Variants in TTC39B observed in about 807,000 individuals in gnomAD.
The protein encoded by TTC39B is tetratricopeptide repeat domain 39B.
TTC39B carries 92 observed loss-of-function variants against 96.6 expected under a neutral mutation model. That is an observed-to-expected ratio of 0.95 (90% confidence interval 0.80 to 1.13). The LOEUF (loss-of-function observed/expected upper bound fraction) is 1.13. TTC39B is among the 50% of genes most tolerant of loss of function. The pLI, the probability that TTC39B is intolerant of heterozygous loss-of-function variation, is 0.00. For missense variants in TTC39B, 955 were observed against 809.3 expected (o/e 1.18, Z -2.18); for synonymous variants, 367 against 299.4 (o/e 1.23, Z -2.33).
chr9:15,292,928 T>C (rs1824240857), intron 1 of TTC39B, among the ~76,000 whole-genome samples: 1 of 152,204 alleles, frequency 6.6e-6, no homozygotes, highest in Non-Finnish European at 1.5e-5. Flanking sequence ...AAAACATAAA[T>C]GTGGTGCAGC....
intron 19 of TTC39B, among the ~76,000 whole-genome samples, chr9:15,174,054 G>A (rs1238292435): frequency 6.6e-6 from 1 of 152,084 alleles, no homozygotes; most frequent in East Asian, 1.9e-4. Flanking sequence ...CTTTAATTAT[G>A]CAAATCTCAG....
At chr9:15,193,380 T>G (rs1253541105) in intron 8 of TTC39B, among the ~76,000 whole-genome samples, 1 of 152,242 alleles carries the variant, frequency 6.6e-6, no homozygotes, top group Non-Finnish European at 1.5e-5. Context: ...TACCTGGGAA[T>G]TGCTTATTAA....
At chr9:15,263,678 A>C (rs1036757661) in intron 2 of TTC39B, among the ~76,000 whole-genome samples, 2 of 152,228 alleles carry the variant, frequency 1.3e-5, no homozygotes, top group Non-Finnish European at 2.9e-5. Context: ...TATTAAAATC[A>C]GATCAAAATC....
intron 2 of TTC39B, among the ~76,000 whole-genome samples, chr9:15,261,686 C>G (rs1294203755): frequency 6.6e-6 from 1 of 152,148 alleles, no homozygotes. Flanking sequence ...ACTGCCTCTA[C>G]CAACTGAAAT....
intron 18 of TTC39B, among the ~76,000 whole-genome samples, chr9:15,175,618 T>TA (rs1214738168): frequency 6.6e-6 from 1 of 152,032 alleles, no homozygotes; most frequent in Non-Finnish European, 1.5e-5. Flanking sequence ...ATAAAACATG[T>TA]AAAAGCAATG....
intron 1 of TTC39B, among the ~76,000 whole-genome samples, chr9:15,291,360 G>A (rs10961960): frequency 0.23 from 35,147 of 152,134 alleles, 4,860 homozygotes; most frequent in Non-Finnish European, 0.3. Flanking sequence ...AAGTTTCCCT[G>A]TACAAGCTCT....
At chr9:15,286,471 A>C (rs1382570172) in intron 1 of TTC39B, among the ~76,000 whole-genome samples, 1 of 152,224 alleles carries the variant, frequency 6.6e-6, no homozygotes, top group African/African-American at 2.4e-5. Flanking sequence ...TTATATCCAG[A>C]GGCACAGATG....
intron 1 of TTC39B, among the ~76,000 whole-genome samples, chr9:15,283,447 C>T (rs1823841869): frequency 6.6e-6 from 1 of 152,188 alleles, no homozygotes; most frequent in Non-Finnish European, 1.5e-5. Flanking sequence ...AAAACAGGTG[C>T]AATTATCATT....
At chr9:15,199,963 A>C in intron 7 of TTC39B, 38 bp from the exon 8 acceptor site, 1 of 1,234,310 alleles carries the variant, frequency 8.1e-7, no homozygotes, top group African/African-American at 1.5e-5. Flanking sequence ...ATTATTTAGC[A>C]AAAAATTTTA....
chr9:15,186,691 A>G, intron 15 of TTC39B: 1 of 339,162 alleles, frequency 2.9e-6, no homozygotes. Flanking sequence ...TACAGTTAAT[A>G]TACATGGTTT....
At position 15,175,948 on chromosome 9, in the gene TTC39B, A is replaced by T. The variant is rs140920430; in HGVS notation, c.1842-813T>A. ...AAACCCACTCACTGGCAAAGGAGGAAGACAAAGACAGTTGTCTCCTTGGCC... is the reference window on the plus strand; with the variant it reads ...AAACCCACTCACTGGCAAAGGAGGATGACAAAGACAGTTGTCTCCTTGGCC... On this transcript the variant is annotated intron_variant, in intron 18 of 19. Coordinates refer to ENST00000512701, the Ensembl canonical transcript of TTC39B. Among the ~76,000 whole-genome samples, 544 of 152,356 alleles carry T rather than the reference A, an allele frequency of 3.6e-3. 6 individuals are homozygous for T. The highest frequency in any genetic ancestry group is 0.012 in the African/African-American group (516 of 41,586).
exon 20 of TTC39B, chr9:15,166,330 AT>A (rs2118277294): frequency 6.6e-6 from 1 of 152,344 alleles, no homozygotes; most frequent in Non-Finnish European, 1.5e-5. Context: ...CTAAACACAT[AT>A]CATGGGTACA....
At chr9:15,190,569 T>C in exon 11 of TTC39B, 1 of 1,613,704 alleles carries the variant, frequency 6.2e-7, no homozygotes, top group Non-Finnish European at 8.5e-7. Flanking sequence ...ATTAGGGAGA[T>C]GTAAGTATGA....
At chr9:15,269,513 TACTGGA>T (rs1175972634) in intron 1 of TTC39B, among the ~76,000 whole-genome samples, 1 of 152,270 alleles carries the variant, frequency 6.6e-6, no homozygotes, top group South Asian at 2.1e-4. Context: ...GTTTAGACCA[TACTGGA>T]TTCTGCGGTG....
At chr9:15,297,115 G>A (rs1323114639) in intron 1 of TTC39B, among the ~76,000 whole-genome samples, 3 of 152,164 alleles carry the variant, frequency 2.0e-5, no homozygotes, top group Non-Finnish European at 4.4e-5. Flanking sequence ...ACTTAAAGGG[G>A]GCATATACTG....
chr9:15,292,836 T>C (rs1412411546), intron 1 of TTC39B, among the ~76,000 whole-genome samples: 2 of 152,234 alleles, frequency 1.3e-5, no homozygotes, highest in Non-Finnish European at 2.9e-5. Flanking sequence ...AGTGTTATTG[T>C]AAAAGTGCCA....
At chr9:15,237,635 T>A in intron 2 of TTC39B, among the ~76,000 whole-genome samples, 2 of 140,172 alleles carry the variant, frequency 1.4e-5, no homozygotes, top group Admixed American at 7.0e-5. Flanking sequence ...GAAATTAAAC[T>A]AGTAATAAAA....
intron 6 of TTC39B, among the ~76,000 whole-genome samples, chr9:15,207,892 A>G (rs1439767291): frequency 6.7e-6 from 1 of 149,710 alleles, no homozygotes; most frequent in Non-Finnish European, 1.5e-5. Context: ...GCTGAGGCAG[A>G]AGAATGGTGT....
intron 13 of TTC39B, 21 bp downstream of exon 13, chr9:15,189,553 A>C: frequency 6.2e-7 from 1 of 1,612,532 alleles, no homozygotes; most frequent in Non-Finnish European, 8.5e-7. Context: ...TCCCCCAAAT[A>C]ATTCCCACCT....
Sources: allele counts gnomAD v4.1 joint callset (sites outside exome capture counted in the v4.1 genomes callset), GRCh38; gene constraint gnomAD v4.1.1; transcripts MANE v1.5; gene names NCBI Gene and HGNC (gene_info 2026-07-23, HGNC 2026-07-21).